Variants in LMNB1 observed in about 807,000 individuals in gnomAD.
LMNB1 encodes the protein lamin-B1.
In LMNB1, 23 loss-of-function variants were observed where a neutral mutation model predicts 67.1. That is an observed-to-expected ratio of 0.34 (90% CI 0.25 to 0.49). The LOEUF (loss-of-function observed/expected upper bound fraction) is 0.49, where lower values mean the gene tolerates loss of function less well. Ranked by LOEUF, LMNB1 falls within the 20% of genes least tolerant of loss-of-function variation. The probability of loss-of-function intolerance (pLI) is 0.99; values close to 1 mark genes in which losing one functional copy is unlikely to be tolerated. For missense variants in LMNB1, 634 were observed against 746.5 expected, an observed-to-expected ratio of 0.85 and a Z score of 1.76; for synonymous variants, 281 against 282.9, an observed-to-expected ratio of 0.99 and a Z score of 0.07.
chr5:126,809,942 C>A (rs1163921188), intron 3 of LMNB1, among the ~76,000 whole-genome samples: 1 of 152,138 alleles, frequency 6.6e-6, no homozygotes, highest in Non-Finnish European at 1.5e-5. Flanking sequence ...TAGCTATGCT[C>A]CTGAAAAGGA....
chr5:126,801,774 A>AT (rs1751292748), intron 1 of LMNB1, among the ~76,000 whole-genome samples: 2 of 152,232 alleles, frequency 1.3e-5, no homozygotes, highest in South Asian at 4.1e-4. Context: ...GGCACAGGTC[A>AT]TTCTCCTGCC....
intron 10 of LMNB1, among the ~76,000 whole-genome samples, chr5:126,833,880 A>C (rs1321355860): frequency 1.3e-5 from 2 of 152,198 alleles, no homozygotes; most frequent in African/African-American, 4.8e-5. Flanking sequence ...TGGTTATTGG[A>C]GAGAAGGCAG....
rs1245607552 is a variant in LMNB1, at chr5:126,777,700, G to A, written c.192G>A (p.Val64=). The change falls in exon 1 of 11, where the codon GTG becomes GTA. Residue 64 remains valine (V), a synonymous_variant. Coordinates refer to ENST00000261366, the MANE Select transcript of LMNB1 (RefSeq NM_005573.4). ...ETENSALQLQ[V]TEREEVRGRE... is the part of the protein sequence containing the mutation. ...AGAACAGCGCGCTGCAGCTGCAGGT[G>A]ACGGAGCGCGAGGAGGTGCGCGGCC... 1.9e-6 allele frequency: 3 copies of A among 1,545,634 alleles called. No homozygotes were observed. The highest frequency in any genetic ancestry group is 2.0e-5 in the Admixed American group (1 of 50,848).
rs374998378 is a variant in LMNB1 at position 126,811,812 on chromosome 5, A to G, written c.853A>G (p.Thr285Ala). The G allele has an allele frequency of 1.2e-5, 20 of 1,612,190 alleles. No homozygotes were observed. The highest frequency in any genetic ancestry group is 8.8e-5 in the South Asian group (8 of 91,020). Residue 285 changes from threonine (T) to alanine (A), a missense_variant, in exon 5 of 11, where the codon ACT becomes GCT. Coordinates refer to ENST00000261366, the MANE Select transcript of LMNB1 (RefSeq NM_005573.4). ...ARLSSEMNTS[T>A]VNSAREELME... ...ACTGTCATCAGAGATGAATACTTCTACTGTCAACAGTGCCAGGGAAGAACT... is the reference window on the plus strand; with the variant it reads ...ACTGTCATCAGAGATGAATACTTCTGCTGTCAACAGTGCCAGGGAAGAACT...
chr5:126,803,125 G>A (rs1725458077), intron 1 of LMNB1, among the ~76,000 whole-genome samples: 1 of 149,854 alleles, frequency 6.7e-6, no homozygotes, highest in African/African-American at 2.5e-5. Flanking sequence ...GGCAGAGGTT[G>A]CAATGAGCCG....
intron 3 of LMNB1, 110 bp from the exon 4 acceptor site, chr5:126,810,070 A>G: frequency 3.0e-6 from 3 of 994,956 alleles, no homozygotes; most frequent in Non-Finnish European, 4.4e-6. Flanking sequence ...CTGAGGACAA[A>G]CAGGAGGAAG....
At chr5:126,822,013 CTT>C (rs34781275) in intron 7 of LMNB1, among the ~76,000 whole-genome samples, 4 of 141,546 alleles carry the variant, frequency 2.8e-5, no homozygotes, top group Non-Finnish European at 3.0e-5. Flanking sequence ...TCTTTGTAGC[CTT>C]TTTTTTTTTT....
intron 8 of LMNB1, among the ~76,000 whole-genome samples, chr5:126,824,605 G>A (rs7709312): frequency 0.2 from 30,049 of 152,108 alleles, 3,104 homozygotes; most frequent in East Asian, 0.29. Flanking sequence ...TCAACTATGT[G>A]ATTACATATA....
chr5:126,817,579 G>T (rs1192918307), intron 5 of LMNB1, among the ~76,000 whole-genome samples: 1 of 151,998 alleles, frequency 6.6e-6, no homozygotes, highest in African/African-American at 2.4e-5. Flanking sequence ...TTCAATTTTG[G>T]CTTCCTTTCT....
At position 126,777,492 on chromosome 5, in the gene LMNB1, T is replaced by A. The variant is rs1561729760; in HGVS notation, c.-17T>A. 3.0e-6 allele frequency: 4 copies of A among 1,319,434 alleles called. No homozygotes were observed. Among genetic ancestry groups the A allele is most frequent in the Non-Finnish European group, 2.9e-6 (3 of 1,037,592 alleles). 81.7% of individuals were successfully genotyped at this position (1,319,434 alleles called of 1,614,324 possible). The stretch of plus-strand genomic sequence containing the variant: ...CCCGCTCGCGGCCTCGCCGCCCCGC[T>A]GTCTCCGCCGCCCGCCATGGCGACT... On this transcript the variant is annotated 5_prime_UTR_variant, in exon 1 of 11. Transcript: ENST00000261366.
chr5:126,800,975 AT>A lies in LMNB1; in HGVS notation c.360-3800del, dbSNP rs1561742523. 3.4e-3 allele frequency among the ~76,000 whole-genome samples: 132 copies of A among 38,504 alleles called. 1 individual carries two copies. Among genetic ancestry groups the A allele is most frequent in the African/African-American group, 8.9e-3 (127 of 14,338 alleles). The allele number at this position is 38,504 out of a possible 152,430, so 25.3% of individuals were successfully genotyped here. A position where few individuals can be genotyped will look rare whatever the true frequency, so the allele number is the denominator to read the frequency against. ...ACTATATATATATATATATATATATATATATAATTTTTTTTTTTTTTTTTTG... is the reference window on the plus strand; with the variant it reads ...ACTATATATATATATATATATATATAATATAATTTTTTTTTTTTTTTTTTG... On this transcript the variant is annotated intron_variant, in intron 1 of 10. Transcript: ENST00000261366.
intron 8 of LMNB1, 49 bp from the exon 9 acceptor site, chr5:126,825,939 G>T (rs1009423118): frequency 2.5e-6 from 4 of 1,611,600 alleles, no homozygotes; most frequent in Non-Finnish European, 3.4e-6. Context: ...TCGTTGGCGT[G>T]TGGGAGAACT....
chr5:126,826,237 G>C, intron 9 of LMNB1, 130 bp downstream of exon 9: 4 of 1,038,480 alleles, frequency 3.9e-6, no homozygotes, highest in Non-Finnish European at 5.7e-6. Context: ...TAAGTTAATT[G>C]AACTGAAGCT....
intron 1 of LMNB1, among the ~76,000 whole-genome samples, chr5:126,788,152 C>T (rs976005148): frequency 6.6e-6 from 1 of 152,058 alleles, no homozygotes; most frequent in Non-Finnish European, 1.5e-5. Context: ...CCTGAGTAGA[C>T]AATATTGCTC....
intron 10 of LMNB1, among the ~76,000 whole-genome samples, chr5:126,834,724 A>C (rs1170178500): frequency 1.3e-5 from 2 of 152,138 alleles, no homozygotes; most frequent in East Asian, 3.9e-4. Flanking sequence ...AAAATACAAA[A>C]AATTAGCCGG....
In LMNB1 at chr5:126,822,872, G is replaced by T; in HGVS notation, c.1478G>T (p.Gly493Val). The part of the protein sequence containing the change: ...KYTSRYVLKA[G>V]QTVTIWAANA... ...ACCTCAAGATATGTGCTGAAGGCAGGCCAGACTGTTACAGTAAGTGAATCT... is the reference window on the plus strand; with the variant it reads ...ACCTCAAGATATGTGCTGAAGGCAGTCCAGACTGTTACAGTAAGTGAATCT... Residue 493 changes from glycine to valine, a missense_variant, in exon 8 of 11, where the codon GGC (glycine) becomes GTC (valine). Transcript: ENST00000261366. The T allele has an allele frequency of 6.3e-7, 1 of 1,590,518 alleles. No homozygotes were observed. The highest frequency in any genetic ancestry group is 8.6e-7 in the Non-Finnish European group (1 of 1,159,004).
At chr5:126,805,309 T>A (rs1256282897) in intron 2 of LMNB1, among the ~76,000 whole-genome samples, 1 of 152,244 alleles carries the variant, frequency 6.6e-6, no homozygotes, top group Non-Finnish European at 1.5e-5. Context: ...AGTTTGATTT[T>A]TGAAATGTGA....
chr5:126,805,323 AGT>A (rs1424231883), intron 2 of LMNB1, among the ~76,000 whole-genome samples: 3 of 152,224 alleles, frequency 2.0e-5, no homozygotes, highest in African/African-American at 7.2e-5. Flanking sequence ...AATGTGAGTG[AGT>A]CATACGTCTC....
chr5:126,810,936 G>A (rs1165285174), intron 4 of LMNB1, among the ~76,000 whole-genome samples: 1 of 152,170 alleles, frequency 6.6e-6, no homozygotes, highest in Non-Finnish European at 1.5e-5. Context: ...GCTTTCCCTG[G>A]TAAATGATTT....
Sources: gnomAD v4.1 joint callset for allele counts (sites outside exome capture counted in the v4.1 genomes callset) on GRCh38, gnomAD v4.1.1 for gene constraint, MANE v1.5 for transcripts, NCBI Gene and HGNC (gene_info 2026-07-23, HGNC 2026-07-21) for gene names.